The following STK32B variants were observed in gnomAD, a reference collection of about 807,000 sequenced individuals.
STK32B encodes the protein serine/threonine-protein kinase 32B.
A neutral mutation model predicts 52.6 loss-of-function variants in STK32B; 43 were observed. That is an observed-to-expected ratio of 0.82 (90% confidence interval 0.64 to 1.05). The LOEUF (loss-of-function observed/expected upper bound fraction) is 1.05. Among genes scored for constraint, STK32B ranks in the 50% least tolerant of loss-of-function variants. The probability of loss-of-function intolerance (pLI) is 0.00; values close to 1 mark genes in which losing one functional copy is unlikely to be tolerated. For synonymous variants in STK32B, 238 were observed against 204.3 expected (o/e 1.17, Z -1.41); for missense variants, 621 against 534.6 (o/e 1.16, Z -1.59).
At chr4:5,289,620 G>A (rs992173540) in intron 3 of STK32B, among the ~76,000 whole-genome samples, 9 of 148,556 alleles carry the variant, frequency 6.1e-5, no homozygotes, top group African/African-American at 1.7e-4. Flanking sequence ...CCGGGTTCAC[G>A]CCATTCTCCT....
chr4:5,471,416 A>G (rs1717845664), intron 11 of STK32B, among the ~76,000 whole-genome samples: 1 of 152,070 alleles, frequency 6.6e-6, no homozygotes, highest in Admixed American at 6.5e-5. Context: ...GTACAAGCCA[A>G]CGAGCACCCA....
At chr4:5,076,501 C>T (rs1269049938) in intron 1 of STK32B, among the ~76,000 whole-genome samples, 1 of 152,124 alleles carries the variant, frequency 6.6e-6, no homozygotes, top group East Asian at 1.9e-4. Context: ...TAGACAAAAG[C>T]ATAGGGGCAT....
At chr4:5,484,301 G>C (rs892832147) in intron 11 of STK32B, among the ~76,000 whole-genome samples, 1 of 152,166 alleles carries the variant, frequency 6.6e-6, no homozygotes, top group Non-Finnish European at 1.5e-5. Context: ...ATTTAGGATA[G>C]TTAGCTCTTC....
At chr4:5,296,216 T>C (rs1226871794) in intron 3 of STK32B, among the ~76,000 whole-genome samples, 2 of 152,222 alleles carry the variant, frequency 1.3e-5, no homozygotes, top group Non-Finnish European at 2.9e-5. Context: ...TGTGATGTGA[T>C]GCTGAGAAGA....
intron 3 of STK32B, among the ~76,000 whole-genome samples, chr4:5,239,937 C>T (rs1213791188): frequency 6.6e-6 from 1 of 152,036 alleles, no homozygotes; most frequent in Non-Finnish European, 1.5e-5. Context: ...GACTCTGCAT[C>T]CTCCGCAAGG....
chr4:5,471,736 C>T (rs866140346), intron 11 of STK32B, among the ~76,000 whole-genome samples: 4 of 152,076 alleles, frequency 2.6e-5, no homozygotes, highest in African/African-American at 4.8e-5. Context: ...TGGAATCTTG[C>T]GCAGGAGACC....
chr4:5,340,751 A>G (rs1261895256), intron 4 of STK32B, among the ~76,000 whole-genome samples: 1 of 152,240 alleles, frequency 6.6e-6, no homozygotes, highest in Admixed American at 6.5e-5. Flanking sequence ...TTTAAACTAT[A>G]TACATATACA....
chr4:5,372,722 G>T (rs528403181), intron 4 of STK32B, among the ~76,000 whole-genome samples: 12 of 97,304 alleles, frequency 1.2e-4, no homozygotes, highest in East Asian at 6.6e-4. Context: ...GAGAAAGTTG[G>T]GGGGGGGGGC....
At chr4:5,215,756 G>A (rs1723146045) in intron 3 of STK32B, among the ~76,000 whole-genome samples, 1 of 152,048 alleles carries the variant, frequency 6.6e-6, no homozygotes, top group Admixed American at 6.5e-5. Context: ...CAAAATTGTG[G>A]AATCTCTAAG....
At chr4:5,454,395 C>G (rs1716308996) in intron 7 of STK32B, among the ~76,000 whole-genome samples, 1 of 152,094 alleles carries the variant, frequency 6.6e-6, no homozygotes, top group South Asian at 2.1e-4. Flanking sequence ...GGCCTCTCTG[C>G]TTGGCTTGTG....
intron 3 of STK32B, among the ~76,000 whole-genome samples, chr4:5,192,873 C>T (rs1218467982): frequency 6.6e-6 from 1 of 152,208 alleles, no homozygotes; most frequent in Non-Finnish European, 1.5e-5. Context: ...TGGCATCTCC[C>T]CTCCACCCAG....
chr4:5,340,188 A>G (rs964826504), intron 4 of STK32B, among the ~76,000 whole-genome samples: 1 of 152,156 alleles, frequency 6.6e-6, no homozygotes, highest in Non-Finnish European at 1.5e-5. Flanking sequence ...AATGAGACTC[A>G]ACTTTCTGGG....
chr4:5,358,691 T>TCA (rs1734333692), intron 4 of STK32B, among the ~76,000 whole-genome samples: 2 of 132,108 alleles, frequency 1.5e-5, no homozygotes, highest in African/African-American at 6.5e-5. Context: ...CAGGACACAT[T>TCA]CACACACATG....
intron 3 of STK32B, among the ~76,000 whole-genome samples, chr4:5,214,467 T>C (rs560288089): frequency 2.0e-5 from 3 of 152,134 alleles, no homozygotes; most frequent in East Asian, 1.9e-4. Flanking sequence ...TTGTTACTTA[T>C]AGACAACTCA....
At position 5,336,592 on chromosome 4, in the gene STK32B, C is replaced by T. The variant is rs79980600; in HGVS notation, c.434+5199C>T. On this transcript the variant is annotated intron_variant, in intron 4 of 11. Coordinates refer to ENST00000282908, the MANE Select transcript of STK32B (RefSeq NM_018401.3). ...AATTCATGGAATAAACATCAGTGCT[C>T]TTATGAATCAAAATTGTGAAAGCAG... 4.5e-3 allele frequency among the ~76,000 whole-genome samples: 683 copies of T among 152,076 alleles called. 13 individuals are homozygous for T. The East Asian group carries it at 0.064, about 14-fold the overall frequency.
intron 3 of STK32B, among the ~76,000 whole-genome samples, chr4:5,186,677 C>T (rs1018197495): frequency 3.9e-5 from 6 of 152,150 alleles, no homozygotes; most frequent in Non-Finnish European, 7.4e-5. Flanking sequence ...CTGGGGTTTT[C>T]CCAGTTCCAA....
chr4:5,168,272 C>A, intron 2 of STK32B, 27 bp from the exon 3 acceptor site: 1 of 1,592,218 alleles, frequency 6.3e-7, no homozygotes, highest in Non-Finnish European at 8.6e-7. Flanking sequence ...GTTGGCCTGA[C>A]TGTTCTCTCC....
At chr4:5,434,838 A>C (rs1713910170) in intron 6 of STK32B, among the ~76,000 whole-genome samples, 1 of 152,182 alleles carries the variant, frequency 6.6e-6, no homozygotes, top group Non-Finnish European at 1.5e-5. Context: ...CACACAGTAG[A>C]CTCAATAAAT....
chr4:5,233,449 C>T (rs949932552), intron 3 of STK32B, among the ~76,000 whole-genome samples: 1 of 152,006 alleles, frequency 6.6e-6, no homozygotes, highest in Admixed American at 6.6e-5. Context: ...AGCTGATATA[C>T]TGGAATATAG....
Sources: gnomAD v4.1 joint callset for allele counts (sites outside exome capture counted in the v4.1 genomes callset) on GRCh38, gnomAD v4.1.1 for gene constraint, MANE v1.5 for transcripts, NCBI Gene and HGNC (gene_info 2026-07-23, HGNC 2026-07-21) for gene names.